The following PTPRT variants were observed in gnomAD, a reference collection of about 807,000 sequenced individuals.
PTPRT encodes the protein receptor-type tyrosine-protein phosphatase T.
In PTPRT, 56 loss-of-function variants were observed where a neutral mutation model predicts 176.8. That is an observed-to-expected ratio of 0.32 (90% confidence interval 0.26 to 0.40). The LOEUF (loss-of-function observed/expected upper bound fraction) is 0.40, where lower values mean the gene tolerates loss of function less well. Ranked by LOEUF, PTPRT falls within the 10% of genes least tolerant of loss-of-function variation. PTPRT has a pLI of 1.00. For synonymous variants in PTPRT, 783 were observed against 739.0 expected (o/e 1.06, Z -0.96); for missense variants, 1,540 against 1,908.2 (o/e 0.81, Z 3.60).
chr20:43,170,909 T>C (rs1469220190), intron 1 of PTPRT, among the ~76,000 whole-genome samples: 2 of 152,228 alleles, frequency 1.3e-5, no homozygotes, highest in Non-Finnish European at 2.9e-5. Flanking sequence ...AAGATTCTTG[T>C]GAATCTTTCG....
At chr20:42,052,767 G>T in the PTPRT span, among the ~76,000 whole-genome samples, 1 of 152,092 alleles carries the variant, frequency 6.6e-6, no homozygotes, top group Non-Finnish European at 1.5e-5. Flanking sequence ...TCTGATTAGG[G>T]TGAGTCCAGG....
chr20:43,014,761 T>A (rs1985294916), intron 1 of PTPRT, among the ~76,000 whole-genome samples: 1 of 152,194 alleles, frequency 6.6e-6, no homozygotes, highest in Non-Finnish European at 1.5e-5. Context: ...AAATTCTAAA[T>A]CTGGATTTTG....
intron 1 of PTPRT, among the ~76,000 whole-genome samples, chr20:43,153,523 T>A (rs1022498723): frequency 6.6e-6 from 1 of 152,148 alleles, no homozygotes; most frequent in African/African-American, 2.4e-5. Flanking sequence ...TTCCCTGCCT[T>A]CAGGAGAAAA....
chr20:42,059,951 G>A, the PTPRT span, among the ~76,000 whole-genome samples: 1 of 152,048 alleles, frequency 6.6e-6, no homozygotes, highest in Non-Finnish European at 1.5e-5. Flanking sequence ...GGGGGGAGTT[G>A]GAATCTCCCA....
chr20:42,484,552 G>A (rs1409551781), intron 7 of PTPRT, among the ~76,000 whole-genome samples: 1 of 152,110 alleles, frequency 6.6e-6, no homozygotes, highest in African/African-American at 2.4e-5. Flanking sequence ...ACATCAGAAG[G>A]AATGTAGCCC....
At chr20:42,442,185 C>A (rs187683710) in intron 9 of PTPRT, among the ~76,000 whole-genome samples, 2 of 152,264 alleles carry the variant, frequency 1.3e-5, no homozygotes, top group Non-Finnish European at 2.9e-5. Flanking sequence ...CCCAGCTGGT[C>A]CCCTCTCTCC....
intron 11 of PTPRT, among the ~76,000 whole-genome samples, chr20:42,321,812 G>C (rs1009523378): frequency 1.3e-5 from 2 of 152,124 alleles, no homozygotes; most frequent in African/African-American, 2.4e-5. Context: ...GGTCGAGCGC[G>C]GTGGCTCACG....
chr20:42,872,787 T>C (rs1013502386), intron 2 of PTPRT, among the ~76,000 whole-genome samples: 3 of 152,248 alleles, frequency 2.0e-5, no homozygotes, highest in Non-Finnish European at 4.4e-5. Flanking sequence ...TAGGACAGAA[T>C]CCAGGACTCC....
intron 6 of PTPRT, among the ~76,000 whole-genome samples, chr20:42,679,527 T>C (rs1171371714): frequency 6.6e-6 from 1 of 151,848 alleles, no homozygotes; most frequent in Non-Finnish European, 1.5e-5. Flanking sequence ...AAAGAGAAAA[T>C]ATGAGAAGAA....
chr20:42,168,679 C>A (rs1989941145), intron 16 of PTPRT, among the ~76,000 whole-genome samples: 1 of 152,194 alleles, frequency 6.6e-6, no homozygotes, highest in Non-Finnish European at 1.5e-5. Context: ...TTGATTCAAC[C>A]ACAGGTAGTT....
At chr20:42,355,148 C>A (rs974435033) in intron 9 of PTPRT, among the ~76,000 whole-genome samples, 3 of 152,058 alleles carry the variant, frequency 2.0e-5, no homozygotes, top group Non-Finnish European at 4.4e-5. Flanking sequence ...AACACCCCAG[C>A]CCTGATGGGA....
intron 1 of PTPRT, among the ~76,000 whole-genome samples, chr20:42,892,108 A>G: frequency 6.6e-6 from 1 of 152,364 alleles, no homozygotes; most frequent in Admixed American, 6.5e-5. Context: ...CTTTGTATAA[A>G]TGAAAACTTG....
the PTPRT span, among the ~76,000 whole-genome samples, chr20:42,061,432 T>C: frequency 6.6e-6 from 1 of 152,190 alleles, no homozygotes; most frequent in Non-Finnish European, 1.5e-5. Flanking sequence ...TATAAGTATT[T>C]GTTAAATAAG....
At chr20:42,201,940 AGAAAAGTTGCGTGT>A (rs1402504155) in intron 15 of PTPRT, among the ~76,000 whole-genome samples, 1 of 83,780 alleles carries the variant, frequency 1.2e-5, no homozygotes, top group Non-Finnish European at 2.7e-5. Context: ...AACCAAGAAG[AGAAAAGTTGCGTGT>A]GTGTGTGTGT....
intron 7 of PTPRT, among the ~76,000 whole-genome samples, chr20:42,558,345 C>G (rs1261161734): frequency 1.3e-5 from 2 of 152,076 alleles, no homozygotes; most frequent in Non-Finnish European, 2.9e-5. Context: ...GTACATGTAC[C>G]ATGTTTTCTT....
chr20:43,171,942 A>T (rs1416443240), intron 1 of PTPRT, among the ~76,000 whole-genome samples: 2 of 152,234 alleles, frequency 1.3e-5, no homozygotes, highest in African/African-American at 4.8e-5. Flanking sequence ...AAACTCAGTC[A>T]GGAATCAGAA....
chr20:43,183,479 A>G (rs776338185), intron 1 of PTPRT, among the ~76,000 whole-genome samples: 2 of 152,234 alleles, frequency 1.3e-5, no homozygotes, highest in Non-Finnish European at 2.9e-5. Flanking sequence ...AGATTTACAC[A>G]TAAGTCTAAC....
chr20:42,543,372 T>G (rs750726331), intron 7 of PTPRT, among the ~76,000 whole-genome samples: 2 of 152,206 alleles, frequency 1.3e-5, no homozygotes, highest in Non-Finnish European at 2.9e-5. Context: ...AGAAACCACT[T>G]TCTTTGCTTG....
chr20:42,404,972 T>TTTTATATATATATATATA (rs960312629), intron 9 of PTPRT, among the ~76,000 whole-genome samples: 1,156 of 77,758 alleles, frequency 0.015, 33 homozygotes, highest in African/African-American at 0.044. Flanking sequence ...GGCCAATTAA[T>TTTTATATATATATATATA]TATATATATA....
Sources: allele counts gnomAD v4.1 joint callset (sites outside exome capture counted in the v4.1 genomes callset), GRCh38; gene constraint gnomAD v4.1.1; transcripts MANE v1.5; gene names NCBI Gene and HGNC (gene_info 2026-07-23, HGNC 2026-07-21).